The following MGAM variants were observed in gnomAD, a reference collection of about 807,000 sequenced individuals.
MGAM encodes the protein alpha-1,4-glucosidase.
Under a neutral mutation model 358.8 loss-of-function variants are expected in MGAM, and 253 were observed. The observed-to-expected ratio is 0.71, with a 90% CI of 0.64 to 0.78. MGAM has a LOEUF of 0.78. MGAM is among the 30% of genes least tolerant of loss of function. The pLI is 0.00. For synonymous variants in MGAM, 1,105 were observed against 1,227.1 expected, an observed-to-expected ratio of 0.90 and a Z score of 2.08; for missense variants, 3,080 against 3,432.6, an observed-to-expected ratio of 0.90 and a Z score of 2.57.
chr7:142,017,894 A>C (rs1421626749), intron 3 of MGAM, among the ~76,000 whole-genome samples: 1 of 152,208 alleles, frequency 6.6e-6, no homozygotes, highest in Non-Finnish European at 1.5e-5. Context: ...ATAGAAAAAA[A>C]AGAAATGGAT....
Position 142,065,319 on chromosome 7 carries a change from G to T in MGAM, c.4485-16G>T, listed in dbSNP as rs1376732898. ...TGGCTGTTGCCTCAGTTCACCTCCT[G>T]TTCCCTTCCAAGCAGAGCCGTGCAG... On this transcript the variant is annotated splice_polypyrimidine_tract_variant and intron_variant, in intron 37 of 70. Transcript: ENST00000475668. 1.9e-6 allele frequency: 3 copies of T among 1,603,718 alleles called. No individual in the cohort carries two copies.
chr7:142,041,853 T>G (rs530253871), intron 21 of MGAM, among the ~76,000 whole-genome samples: 2 of 116,804 alleles, frequency 1.7e-5, no homozygotes, highest in South Asian at 4.8e-4. Context: ...TTCAAGTTTC[T>G]GGTCATTTTA....
chr7:141,986,894 C>A (rs4726484), intron 2 of MGAM, among the ~76,000 whole-genome samples: 35,077 of 152,034 alleles, frequency 0.23, 5,048 homozygotes, highest in Non-Finnish European at 0.33. Context: ...GGATGCCAAA[C>A]AATTGGGAGG....
chr7:142,082,796 G>A lies in MGAM; in HGVS notation c.6268+225G>A, dbSNP rs1210860633. Among the ~76,000 whole-genome samples, 2 of 146,140 alleles carry A rather than the reference G, an allele frequency of 1.4e-5. 1 individual carries two copies. The highest frequency in any genetic ancestry group is 3.1e-5 in the Non-Finnish European group (2 of 64,488). On this transcript the variant is annotated intron_variant, in intron 52 of 70. Coordinates refer to ENST00000475668, the MANE Select transcript of MGAM (RefSeq NM_001365693.1). ...TTTTGGTAAAAATCACATAAGAAGG[G>A]ATAGTAAAACCACATGGGTCCCAAA...
Position 142,043,981 on chromosome 7 carries a change from T to C in MGAM, c.2498+3135T>C, listed in dbSNP as rs1341901558. ...CATTATATACACATACGACGTATAA[T>C]ATATACATTATATACACATACGACG... is the stretch of plus-strand genomic sequence containing the variant. On this transcript the variant is annotated intron_variant, in intron 21 of 70. Transcript: ENST00000475668. 1.1e-4 allele frequency among the ~76,000 whole-genome samples: 14 copies of C among 125,596 alleles called. No homozygotes were observed. The East Asian group carries it at 2.9e-3, about 26-fold the overall frequency. 82.4% of individuals were successfully genotyped at this position (125,596 alleles called of 152,430 possible).
rs782492966 is a variant in MGAM, at chr7:142,037,008, T to A, written c.2231+31T>A. On this transcript the variant is annotated intron_variant, in intron 18 of 70. Transcript: ENST00000475668. ...TTCACCTAACCTCCTTAAATTTTAT[T>A]AATGCATCTGGAATGACATTGACTA... 18 of 1,593,818 alleles carry A rather than the reference T, an allele frequency of 1.1e-5. 1 individual carries two copies. The South Asian group carries it at 2.0e-4, about 18-fold the overall frequency.
rs1804351482 is a variant in MGAM, at chr7:141,997,539, A to G, written c.-3+1609A>G. On this transcript the variant is annotated intron_variant, in intron 1 of 70. Coordinates refer to ENST00000475668, the MANE Select transcript of MGAM (RefSeq NM_001365693.1). Reference sequence around the variant, plus strand: ...TATAAGCATGGAATGGAACTAGAAAAGAAATTTTCCATTTAAAATTTGTTC... The same window carrying G: ...TATAAGCATGGAATGGAACTAGAAAGGAAATTTTCCATTTAAAATTTGTTC... 2.0e-5 allele frequency among the ~76,000 whole-genome samples: 3 copies of G among 152,214 alleles called. No individual in the cohort carries two copies. In the South Asian group the frequency reaches 6.2e-4, roughly 32 times the overall value.
At chr7:141,991,419 TG>T (rs1803943897), upstream of MGAM, among the ~76,000 whole-genome samples, 1 of 150,956 alleles carries the variant, frequency 6.6e-6, no homozygotes, top group Admixed American at 6.6e-5. Flanking sequence ...GGGTGGTGGC[TG>T]GGGATGGAGA....
chr7:142,070,933 GCATTGTTCA>G (rs1157370518), intron 43 of MGAM, 52 bp from the exon 44 acceptor site: 1 of 1,533,952 alleles, frequency 6.5e-7, no homozygotes, highest in African/African-American at 1.3e-5. Flanking sequence ...CTGGCAGGAT[GCATTGTTCA>G]GGGAGGGGCC....
At chr7:142,012,931 G>C (rs1805707373) in intron 3 of MGAM, among the ~76,000 whole-genome samples, 1 of 152,140 alleles carries the variant, frequency 6.6e-6, no homozygotes, top group Admixed American at 6.5e-5. Context: ...TGCTGCAAGA[G>C]ACAGAGGCAA....
At chr7:142,016,192 G>C (rs1467660624) in intron 3 of MGAM, among the ~76,000 whole-genome samples, 2 of 152,118 alleles carry the variant, frequency 1.3e-5, no homozygotes, top group African/African-American at 4.8e-5. Flanking sequence ...AATTGGAGGA[G>C]GAGAGGATTG....
Position 142,038,586 on chromosome 7 carries a change from G to T in MGAM, c.2287G>T (p.Gly763Cys), listed in dbSNP as rs376805556. 6.2e-7 allele frequency: 1 copy of T among 1,610,852 alleles called. No individual in the cohort carries two copies. The highest frequency in any genetic ancestry group is 8.5e-7 in the Non-Finnish European group (1 of 1,178,544). Reference protein sequence around the residue: ...DVHQQFLWGPGLLITPVLDEG... With the variant: ...DVHQQFLWGPCLLITPVLDEG... ...GCACCAACAGTTCTTATGGGGGCCC[G>T]GCCTCCTCATCACTCCAGTTCTGGA... is the stretch of plus-strand genomic sequence containing the variant. The change falls in exon 19 of 71, where the codon GGC becomes TGC. Residue 763 changes from glycine to cysteine, a missense_variant. Around this residue, in one of 5 missense-constraint regions of MGAM, gnomAD observed 1,816 missense variants for 1,840.5 expected, o/e 0.99. Coordinates refer to ENST00000475668, the MANE Select transcript of MGAM (RefSeq NM_001365693.1).
chr7:142,016,638 G>A (rs1210855204), intron 3 of MGAM, among the ~76,000 whole-genome samples: 3 of 152,116 alleles, frequency 2.0e-5, no homozygotes, highest in African/African-American at 7.2e-5. Context: ...TGTCACCCAG[G>A]CTGGAGTGCA....
chr7:142,066,858 C>A, intron 41 of MGAM, 137 bp downstream of exon 41: 1 of 1,103,524 alleles, frequency 9.1e-7, no homozygotes, highest in Non-Finnish European at 1.3e-6. Flanking sequence ...CAAAGTATAC[C>A]TGATTACTGT....
intron 18 of MGAM, among the ~76,000 whole-genome samples, chr7:142,037,470 A>C (rs535673935): frequency 2.6e-5 from 4 of 152,218 alleles, no homozygotes; most frequent in Non-Finnish European, 4.4e-5. Context: ...GGCAATGAAC[A>C]TCTCTAATTT....
chr7:142,020,984 C>T lies in MGAM; in HGVS notation c.459C>T (p.Ala153=). ...NLVNTNAGFT[A]RLKNLPSSPV... The stretch of plus-strand genomic sequence containing the variant: ...TTTCTCCTATGTTAGGATTCACAGC[C>T]CGGTTGAAAAATCTGCCTTCTTCAC... Residue 153 remains alanine, a synonymous_variant, in exon 5 of 71, where the codon GCC becomes GCT. Coordinates refer to ENST00000475668, the MANE Select transcript of MGAM (RefSeq NM_001365693.1). 1 of 1,611,884 alleles carries T rather than the reference C, an allele frequency of 6.2e-7. No individual in the cohort carries two copies. Among genetic ancestry groups the T allele is most frequent in the South Asian group, 1.1e-5 (1 of 90,904 alleles).
At chr7:142,061,230 G>C (rs146121294) in intron 34 of MGAM, among the ~76,000 whole-genome samples, 1 of 152,128 alleles carries the variant, frequency 6.6e-6, no homozygotes, top group Non-Finnish European at 1.5e-5. Flanking sequence ...GGTTCCCTAC[G>C]TGTACCCCGT....
rs939151427 is a variant in MGAM, at chr7:142,090,514, A to G, written c.6811-1399A>G. On this transcript the variant is annotated intron_variant, in intron 57 of 70. Transcript: ENST00000475668. ...GTCAAGATTCTCCGTGATGTGACCCACTGTCTTCTCACATCCTTGACAGCC... is the reference window on the plus strand; with the variant it reads ...GTCAAGATTCTCCGTGATGTGACCCGCTGTCTTCTCACATCCTTGACAGCC... Among the ~76,000 whole-genome samples, 4 of 145,724 alleles carry G rather than the reference A, an allele frequency of 2.7e-5. 1 individual carries two copies. The highest frequency in any genetic ancestry group is 9.8e-5 in the African/African-American group (4 of 41,016).
chr7:142,088,019 C>G lies in MGAM; in HGVS notation c.6810+1302C>G. On this transcript the variant is annotated intron_variant, in intron 57 of 70. Transcript: ENST00000475668. The stretch of plus-strand genomic sequence containing the variant: ...TGCCTTATCCAGATAAGCTGGTTTT[C>G]AGGGCAAGTGGTGAGTCCTAGAGGG... 1.4e-5 allele frequency among the ~76,000 whole-genome samples: 2 copies of G among 146,262 alleles called. 1 individual carries two copies. Among genetic ancestry groups the G allele is most frequent in the East Asian group, 4.0e-4 (2 of 4,964 alleles).
Sources: allele counts gnomAD v4.1 joint callset (sites outside exome capture counted in the v4.1 genomes callset), GRCh38; gene constraint gnomAD v4.1.1; regional missense constraint gnomAD v4.1.1; transcripts MANE v1.5; gene names NCBI Gene and HGNC (gene_info 2026-07-23, HGNC 2026-07-21).